Variants in ENTREP2 observed in about 807,000 individuals in gnomAD.
ENTREP2 encodes the protein endosomal transmembrane epsin interactor 2.
the ENTREP2 span, among the ~76,000 whole-genome samples, chr15:29,526,474 T>C: frequency 1.3e-5 from 2 of 151,762 alleles, no homozygotes; most frequent in South Asian, 4.2e-4. Flanking sequence ...AGTATTTTCT[T>C]TTTTTCAGAG....
At chr15:29,564,811 A>G in the ENTREP2 span, among the ~76,000 whole-genome samples, 4 of 152,234 alleles carry the variant, frequency 2.6e-5, no homozygotes, top group Non-Finnish European at 5.9e-5. Context: ...AGTCCTGGGA[A>G]TAAAGGAGTG....
the ENTREP2 span, among the ~76,000 whole-genome samples, chr15:29,628,929 T>C: frequency 1.8e-4 from 28 of 152,068 alleles, no homozygotes; most frequent in Non-Finnish European, 3.5e-4. Flanking sequence ...TTTGTAATTT[T>C]AGTAGAGACA....
the ENTREP2 span, among the ~76,000 whole-genome samples, chr15:29,594,678 G>A: frequency 1.6e-4 from 24 of 152,004 alleles, no homozygotes; most frequent in Non-Finnish European, 2.8e-4. Context: ...AAACTTTTGT[G>A]GGGGCTGGGC....
the ENTREP2 span, among the ~76,000 whole-genome samples, chr15:29,223,988 T>A: frequency 6.6e-6 from 1 of 152,198 alleles, no homozygotes; most frequent in Non-Finnish European, 1.5e-5. Flanking sequence ...TACTCAGAAG[T>A]GTGTCCAGAA....
chr15:29,594,396 C>G, the ENTREP2 span, among the ~76,000 whole-genome samples: 1 of 152,212 alleles, frequency 6.6e-6, no homozygotes, highest in Non-Finnish European at 1.5e-5. Context: ...CCTCCCAACT[C>G]TCACCTGGGA....
the ENTREP2 span, among the ~76,000 whole-genome samples, chr15:29,324,398 C>T: frequency 2.1e-4 from 32 of 152,176 alleles, no homozygotes; most frequent in African/African-American, 7.7e-4. Context: ...ATATTTTTAA[C>T]TACATCAATC....
At chr15:29,128,933 T>C in the ENTREP2 span, 2 of 1,065,594 alleles carry the variant, frequency 1.9e-6, no homozygotes, top group East Asian at 2.6e-5. Context: ...CCTCCAGTAG[T>C]GTAGGCGCTT....
the ENTREP2 span, among the ~76,000 whole-genome samples, chr15:29,504,790 T>C: frequency 6.6e-6 from 1 of 152,198 alleles, no homozygotes; most frequent in East Asian, 1.9e-4. Context: ...AGTAAAATAA[T>C]AATGCATTCA....
chr15:29,431,304 G>A, the ENTREP2 span, among the ~76,000 whole-genome samples: 17 of 152,076 alleles, frequency 1.1e-4, no homozygotes, highest in Non-Finnish European at 2.2e-4. Context: ...GATAAGTAAA[G>A]AATCCTATAT....
At chr15:29,269,188 G>A in the ENTREP2 span, 3 of 1,614,152 alleles carry the variant, frequency 1.9e-6, no homozygotes, top group African/African-American at 1.3e-5. Flanking sequence ...CGTAGTGGGC[G>A]TGCCTTGGTC....
chr15:29,216,104 C>G, the ENTREP2 span, among the ~76,000 whole-genome samples: 1 of 152,060 alleles, frequency 6.6e-6, no homozygotes, highest in Non-Finnish European at 1.5e-5. Flanking sequence ...TGATGTGTTT[C>G]CAAGATTTGT....
the ENTREP2 span, among the ~76,000 whole-genome samples, chr15:29,172,680 G>T: frequency 6.6e-6 from 1 of 152,116 alleles, no homozygotes; most frequent in African/African-American, 2.4e-5. Flanking sequence ...AAATGCCACG[G>T]ATGTGGTTGG....
At chr15:29,336,164 T>TACC in the ENTREP2 span, among the ~76,000 whole-genome samples, 1 of 120,916 alleles carries the variant, frequency 8.3e-6, no homozygotes, top group African/African-American at 2.8e-5. Context: ...AAAAAAAAAT[T>TACC]CCTTGCTGGG....
At chr15:29,537,479 A>C in the ENTREP2 span, among the ~76,000 whole-genome samples, 1 of 152,152 alleles carries the variant, frequency 6.6e-6, no homozygotes, top group Non-Finnish European at 1.5e-5. Flanking sequence ...TAATGTAGAG[A>C]TTAAACTGTA....
the ENTREP2 span, among the ~76,000 whole-genome samples, chr15:29,405,780 G>A: frequency 3.9e-5 from 6 of 152,202 alleles, no homozygotes; most frequent in Admixed American, 1.3e-4. Context: ...GAAGGCTGTC[G>A]GCACGCACAA....
chr15:29,302,170 C>T, the ENTREP2 span, among the ~76,000 whole-genome samples: 242 of 152,034 alleles, frequency 1.6e-3, 1 homozygote, highest in African/African-American at 5.2e-3. Context: ...ATATGACAGT[C>T]GAGTGGAAGC....
chr15:29,203,366 C>T, the ENTREP2 span, among the ~76,000 whole-genome samples: 1 of 152,200 alleles, frequency 6.6e-6, no homozygotes, highest in Non-Finnish European at 1.5e-5. Flanking sequence ...CGCGCCACTG[C>T]ACTCCAGCCT....
At chr15:29,618,865 C>T in the ENTREP2 span, among the ~76,000 whole-genome samples, 2 of 152,100 alleles carry the variant, frequency 1.3e-5, no homozygotes, top group African/African-American at 4.8e-5. Context: ...CCAAAACACC[C>T]TTGGTGAGAA....
the ENTREP2 span, among the ~76,000 whole-genome samples, chr15:29,210,246 G>T: frequency 2.0e-5 from 3 of 152,120 alleles, no homozygotes; most frequent in East Asian, 5.8e-4. Flanking sequence ...TAGACAACTG[G>T]GGGCTACTCC....
Sources: gnomAD v4.1 joint callset for allele counts (sites outside exome capture counted in the v4.1 genomes callset) on GRCh38, gnomAD v4.1.1 for gene constraint, MANE v1.5 for transcripts, NCBI Gene and HGNC (gene_info 2026-07-23, HGNC 2026-07-21) for gene names.